CRIM1: variants seen among roughly 807,000 people sequenced by gnomAD.
CRIM1 encodes cysteine-rich motor neuron 1 protein.
CRIM1 carries 32 observed loss-of-function variants against 116.4 expected under a neutral mutation model. The ratio of observed to expected loss-of-function variants is 0.27; its 90% confidence interval spans 0.21 to 0.37. The LOEUF is 0.37. Among genes scored for constraint, CRIM1 ranks in the 10% least tolerant of loss-of-function variants. CRIM1 has a pLI of 1.00. For synonymous variants in CRIM1, 590 were observed against 509.2 expected, an observed-to-expected ratio of 1.16 and a Z score of -2.13; for missense variants, 1,331 against 1,354.8, an observed-to-expected ratio of 0.98 and a Z score of 0.28.
At chr2:36,437,927 A>T (rs921900987) in intron 2 of CRIM1, among the ~76,000 whole-genome samples, 2 of 152,080 alleles carry the variant, frequency 1.3e-5, no homozygotes, top group African/African-American at 4.8e-5. Context: ...ACATCAGAAG[A>T]TCGAGACCAG....
chr2:36,531,397 G>GTTTTTTTTTTTTTTT (rs988777112), intron 13 of CRIM1, among the ~76,000 whole-genome samples: 1 of 150,416 alleles, frequency 6.6e-6, no homozygotes, highest in African/African-American at 2.4e-5. Context: ...TTGGTTTTTG[G>GTTTTTTTTTTTTTTT]TTTTTTGTTT....
intron 1 of CRIM1, among the ~76,000 whole-genome samples, chr2:36,374,002 T>C (rs1019354275): frequency 6.6e-6 from 1 of 152,348 alleles, no homozygotes; most frequent in African/African-American, 2.4e-5. Context: ...GTGGCTTACA[T>C]AAAGCCGTGG....
intron 2 of CRIM1, among the ~76,000 whole-genome samples, chr2:36,397,119 A>G (rs932626845): frequency 1.3e-5 from 2 of 152,092 alleles, no homozygotes; most frequent in African/African-American, 4.8e-5. Context: ...TTACCGTAGG[A>G]TGGTGCTCCA....
chr2:36,464,405 C>T (rs1677830617), intron 4 of CRIM1, 129 bp from the exon 5 acceptor site: 3 of 887,310 alleles, frequency 3.4e-6, no homozygotes, highest in Non-Finnish European at 5.3e-6. Context: ...CCCAGTGACA[C>T]CAGATAAAGG....
In CRIM1 at chr2:36,502,591, C is replaced by A. The variant is rs1681076801; in HGVS notation, c.1501+3244C>A. ...CTAGGTAGTATTCTAGGTATTAAGG[C>A]CACAAAGATGACTAAAATGCAAGAC... is the stretch of plus-strand genomic sequence containing the variant. On this transcript the variant is annotated intron_variant, in intron 8 of 16. Coordinates refer to ENST00000280527, the MANE Select transcript of CRIM1 (RefSeq NM_016441.3). Among the ~76,000 whole-genome samples, 4 of 152,188 alleles carry A rather than the reference C, an allele frequency of 2.6e-5. No individual in the cohort carries two copies. The South Asian group carries it at 8.3e-4, about 32-fold the overall frequency.
chr2:36,515,313 A>T (rs566176935), intron 11 of CRIM1, among the ~76,000 whole-genome samples: 13 of 152,348 alleles, frequency 8.5e-5, no homozygotes, highest in African/African-American at 2.9e-4. Flanking sequence ...TCTATTACAG[A>T]GTCATGGAAA....
intron 7 of CRIM1, among the ~76,000 whole-genome samples, chr2:36,491,192 T>C (rs1463252919): frequency 6.6e-6 from 1 of 152,220 alleles, no homozygotes; most frequent in Non-Finnish European, 1.5e-5. Context: ...AAGAATTTTA[T>C]AGGAGGCCTT....
intron 13 of CRIM1, among the ~76,000 whole-genome samples, chr2:36,524,009 G>A (rs1044949455): frequency 6.6e-6 from 1 of 152,206 alleles, no homozygotes; most frequent in African/African-American, 2.4e-5. Context: ...GATGGCCAAA[G>A]AGTAATAAAA....
At chr2:36,361,267 C>A (rs1397163191) in intron 1 of CRIM1, among the ~76,000 whole-genome samples, 24 of 152,066 alleles carry the variant, frequency 1.6e-4, no homozygotes, top group Admixed American at 1.6e-3. Flanking sequence ...TGTACACTGA[C>A]CAGGAAAATC....
intron 4 of CRIM1, among the ~76,000 whole-genome samples, chr2:36,444,941 T>C (rs1205349758): frequency 1.3e-5 from 2 of 152,222 alleles, no homozygotes; most frequent in African/African-American, 4.8e-5. Flanking sequence ...TCTGCTCCCT[T>C]GTCATCCATC....
intron 16 of CRIM1, 43 bp from the exon 17 acceptor site, chr2:36,548,482 G>C: frequency 6.9e-7 from 1 of 1,457,422 alleles, no homozygotes; most frequent in Non-Finnish European, 9.2e-7. Flanking sequence ...ATAATGTAAA[G>C]CAACTAATTT....
chr2:36,529,390 G>T, intron 13 of CRIM1: 5 of 216,292 alleles, frequency 2.3e-5, no homozygotes, highest in Non-Finnish European at 4.9e-5. Context: ...ACTTTTACAT[G>T]GATTGCTTCT....
chr2:36,509,949 T>G, intron 8 of CRIM1, 34 bp from the exon 9 acceptor site: 1 of 1,603,774 alleles, frequency 6.2e-7, no homozygotes, highest in Non-Finnish European at 8.5e-7. Flanking sequence ...CTGTTCATCT[T>G]TGGAAGAAAC....
Position 36,546,322 on chromosome 2 carries a change from TAAAGG to T in CRIM1, c.2747-661_2747-657del, listed in dbSNP as rs1447587585. Among the ~76,000 whole-genome samples the T allele has an allele frequency of 2.6e-5, 4 of 152,244 alleles. No homozygotes were observed. In the East Asian group the frequency reaches 7.7e-4, roughly 29 times the overall value. On this transcript the variant is annotated intron_variant, in intron 15 of 16. Transcript: ENST00000280527. ...GTAAGAGAGATATTTTAAAAGAACA[TAAAGG>T]TCATCATTCATAAGTGCAAAACTAA...
intron 8 of CRIM1, among the ~76,000 whole-genome samples, chr2:36,507,169 A>AT (rs1681493224): frequency 6.6e-6 from 1 of 152,134 alleles, no homozygotes; most frequent in Non-Finnish European, 1.5e-5. Context: ...TCTCCTCTTT[A>AT]TTTAAATGTT....
chr2:36,544,560 A>G, intron 15 of CRIM1, 62 bp downstream of exon 15: 1 of 1,305,076 alleles, frequency 7.7e-7, no homozygotes, highest in South Asian at 3.2e-5. Context: ...GGTGTTTTCT[A>G]ATTTTTAAAA....
chr2:36,530,365 G>T (rs1367689100), intron 13 of CRIM1, among the ~76,000 whole-genome samples: 1 of 152,060 alleles, frequency 6.6e-6, no homozygotes, highest in African/African-American at 2.4e-5. Context: ...ATTTCCATGT[G>T]TTTAAGTCTC....
At chr2:36,439,364 T>C (rs1254298338) in intron 2 of CRIM1, among the ~76,000 whole-genome samples, 1 of 152,204 alleles carries the variant, frequency 6.6e-6, no homozygotes, top group African/African-American at 2.4e-5. Context: ...TTGCCCAGGT[T>C]CCCAAAGTCC....
At chr2:36,473,313 C>T (rs566566208) in intron 5 of CRIM1, among the ~76,000 whole-genome samples, 1 of 152,142 alleles carries the variant, frequency 6.6e-6, no homozygotes, top group African/African-American at 2.4e-5. Flanking sequence ...GAGCAGGGCT[C>T]ATCACCTCAG....
Sources: gnomAD v4.1 joint callset for allele counts (sites outside exome capture counted in the v4.1 genomes callset) on GRCh38, gnomAD v4.1.1 for gene constraint, MANE v1.5 for transcripts, NCBI Gene and HGNC (gene_info 2026-07-23, HGNC 2026-07-21) for gene names.